The following ENOX1 variants were observed in gnomAD, a reference collection of about 807,000 sequenced individuals.
ENOX1 encodes candidate growth-related and time keeping constitutive hydroquinone (NADH) oxidase.
Under a neutral mutation model 82.5 loss-of-function variants are expected in ENOX1, and 42 were observed. The observed-to-expected ratio is 0.51, with a 90% CI of 0.40 to 0.66. The LOEUF is 0.66. Ranked by LOEUF, ENOX1 falls within the 30% of genes least tolerant of loss-of-function variation. The pLI is 0.00. For missense variants in ENOX1, 608 were observed against 811.6 expected, an observed-to-expected ratio of 0.75 and a Z score of 3.05; for synonymous variants, 271 against 282.2, an observed-to-expected ratio of 0.96 and a Z score of 0.40.
intron 9 of ENOX1, among the ~76,000 whole-genome samples, chr13:43,338,496 A>G (rs959320746): frequency 2.6e-5 from 4 of 151,878 alleles, no homozygotes; most frequent in African/African-American, 7.3e-5. Context: ...TCTTTCTTCT[A>G]TATCTAGGAA....
chr13:43,541,544 G>A (rs1190388333), intron 2 of ENOX1, among the ~76,000 whole-genome samples: 1 of 152,102 alleles, frequency 6.6e-6, no homozygotes, highest in Non-Finnish European at 1.5e-5. Context: ...ACTGAACAGT[G>A]CACCACATAC....
At chr13:43,628,911 C>A (rs916542347) in intron 2 of ENOX1, among the ~76,000 whole-genome samples, 1 of 152,188 alleles carries the variant, frequency 6.6e-6, no homozygotes, top group African/African-American at 2.4e-5. Context: ...TCCTCAGACA[C>A]TGATGTGAGG....
chr13:43,577,957 A>C (rs2080518695), intron 2 of ENOX1, among the ~76,000 whole-genome samples: 1 of 150,008 alleles, frequency 6.7e-6, no homozygotes. Context: ...CCCAAGGAGC[A>C]AAAAGCTGTT....
At chr13:43,601,804 A>G (rs940763354) in intron 2 of ENOX1, among the ~76,000 whole-genome samples, 2 of 152,214 alleles carry the variant, frequency 1.3e-5, no homozygotes, top group Admixed American at 1.3e-4. Context: ...AAAAGCATCA[A>G]GAGGAAAGAA....
At chr13:43,714,690 A>C (rs2087986241) in intron 1 of ENOX1, among the ~76,000 whole-genome samples, 1 of 151,474 alleles carries the variant, frequency 6.6e-6, no homozygotes, top group South Asian at 2.1e-4. Context: ...GTCTCTTTTG[A>C]TCTTTGTTGG....
intron 14 of ENOX1, among the ~76,000 whole-genome samples, chr13:43,243,307 C>G (rs2042930468): frequency 6.6e-6 from 1 of 152,146 alleles, no homozygotes; most frequent in African/African-American, 2.4e-5. Context: ...TGCTGGCGCT[C>G]AAACCCTCAT....
chr13:43,279,896 T>C (rs2153489803), intron 12 of ENOX1, among the ~76,000 whole-genome samples: 1 of 152,338 alleles, frequency 6.6e-6, no homozygotes, highest in African/African-American at 2.4e-5. Context: ...GCCAGCCAAC[T>C]TGAATTAACA....
intron 2 of ENOX1, among the ~76,000 whole-genome samples, chr13:43,498,048 G>A (rs1479749710): frequency 1.3e-5 from 2 of 151,780 alleles, no homozygotes; most frequent in Non-Finnish European, 2.9e-5. Flanking sequence ...TCCTTCACTT[G>A]ACTAAACCAT....
chr13:43,335,789 G>GA (rs983724987), intron 9 of ENOX1, among the ~76,000 whole-genome samples: 3 of 139,628 alleles, frequency 2.1e-5, no homozygotes, highest in African/African-American at 5.2e-5. Flanking sequence ...AAAAAGAAAA[G>GA]AAAAAAAAGA....
intron 3 of ENOX1, among the ~76,000 whole-genome samples, chr13:43,422,685 C>T (rs1013206216): frequency 1.3e-5 from 2 of 152,074 alleles, no homozygotes; most frequent in African/African-American, 4.8e-5. Context: ...TGCAATCAAA[C>T]AAAATGACCA....
rs1420849078 is a variant in ENOX1, at chr13:43,470,284, A to G, written c.-75+13725T>C. ...TACATATATATACACATATATATAC[A>G]TATATATATACACATATATATACAT... On this transcript the variant is annotated intron_variant, in intron 3 of 16. Coordinates refer to ENST00000690772, the MANE Select transcript of ENOX1 (RefSeq NM_001347969.2). 6.6e-3 allele frequency among the ~76,000 whole-genome samples: 242 copies of G among 36,476 alleles called. 19 individuals are homozygous for G. The highest frequency in any genetic ancestry group is 0.034 in the Middle Eastern group (2 of 58). The allele number at this position is 36,476 out of a possible 152,430, so 23.9% of individuals were successfully genotyped here. A position where few individuals can be genotyped will look rare whatever the true frequency, so the allele number is the denominator to read the frequency against.
intron 12 of ENOX1, among the ~76,000 whole-genome samples, chr13:43,280,623 T>G (rs2045322045): frequency 6.6e-6 from 1 of 152,210 alleles, no homozygotes; most frequent in Admixed American, 6.5e-5. Context: ...GCCATAGATG[T>G]CTGACTAAGG....
chr13:43,213,160 T>A lies in ENOX1; in HGVS notation c.*830A>T, dbSNP rs2041265493. Among the ~76,000 whole-genome samples, 1 of 152,152 alleles carries A rather than the reference T, an allele frequency of 6.6e-6. No homozygotes were observed. The highest frequency in any genetic ancestry group is 2.4e-5 in the African/African-American group (1 of 41,444). ...TAGAAGTCATATTTATTGAAAAAAA[T>A]TAATATCTTTGCTATAAAATTTGTA... On this transcript the variant is annotated 3_prime_UTR_variant, in exon 17 of 17. Coordinates refer to ENST00000690772, the MANE Select transcript of ENOX1 (RefSeq NM_001347969.2).
chr13:43,750,408 G>A (rs756972365), intron 1 of ENOX1, among the ~76,000 whole-genome samples: 1 of 152,118 alleles, frequency 6.6e-6, no homozygotes, highest in Non-Finnish European at 1.5e-5. Flanking sequence ...TAACAACAGA[G>A]CACACAGCAG....
chr13:43,749,210 AGC>A (rs1446237679), intron 1 of ENOX1, among the ~76,000 whole-genome samples: 5 of 152,218 alleles, frequency 3.3e-5, no homozygotes, highest in African/African-American at 4.8e-5. Flanking sequence ...AAATGGAGTC[AGC>A]CACATTAATC....
intron 1 of ENOX1, among the ~76,000 whole-genome samples, chr13:43,708,159 G>A (rs1226910570): frequency 5.9e-5 from 9 of 152,206 alleles, no homozygotes; most frequent in Non-Finnish European, 8.8e-5. Flanking sequence ...AAACTGGCAC[G>A]TTTAACTGGT....
At chr13:43,337,868 T>G (rs927603755) in intron 9 of ENOX1, among the ~76,000 whole-genome samples, 1 of 152,178 alleles carries the variant, frequency 6.6e-6, no homozygotes, top group African/African-American at 2.4e-5. Context: ...GAGACTCAGT[T>G]TCCTCCTCTG....
chr13:43,239,806 T>C (rs749433020), intron 14 of ENOX1, among the ~76,000 whole-genome samples: 17 of 152,242 alleles, frequency 1.1e-4, no homozygotes, highest in Admixed American at 6.5e-5. Flanking sequence ...GACAGCCACA[T>C]TATATGTTGT....
chr13:43,457,007 C>T (rs913191297), intron 3 of ENOX1, among the ~76,000 whole-genome samples: 3 of 151,994 alleles, frequency 2.0e-5, no homozygotes, highest in South Asian at 2.1e-4. Flanking sequence ...TGCTTTGTGT[C>T]CCTGCTTTGT....
Sources: gnomAD v4.1 joint callset for allele counts (sites outside exome capture counted in the v4.1 genomes callset) on GRCh38, gnomAD v4.1.1 for gene constraint, MANE v1.5 for transcripts, NCBI Gene and HGNC (gene_info 2026-07-23, HGNC 2026-07-21) for gene names.